The following RBPJ variants were observed in gnomAD, a reference collection of about 807,000 sequenced individuals.
The protein encoded by RBPJ is recombining binding protein suppressor of hairless.
In RBPJ, 9 loss-of-function variants were observed where a neutral mutation model predicts 67.8. The observed-to-expected ratio is 0.13, with a 90% confidence interval of 0.08 to 0.23. The LOEUF is 0.23. Among genes scored for constraint, RBPJ ranks in the 10% least tolerant of loss-of-function variants. The probability of loss-of-function intolerance (pLI) is 1.00; values close to 1 mark genes in which losing one functional copy is unlikely to be tolerated. For missense variants in RBPJ, 305 were observed against 595.6 expected (o/e 0.51, Z 5.08); for synonymous variants, 198 against 203.3 (o/e 0.97, Z 0.22).
At chr4:26,392,962 C>G (rs1731681411) in intron 2 of RBPJ, among the ~76,000 whole-genome samples, 1 of 152,100 alleles carries the variant, frequency 6.6e-6, no homozygotes, top group South Asian at 2.1e-4. Context: ...GAGACGGAGT[C>G]TTGCTCTGTC....
intron 1 of RBPJ, among the ~76,000 whole-genome samples, chr4:26,347,507 C>T (rs1726286951): frequency 6.6e-6 from 1 of 152,174 alleles, no homozygotes; most frequent in Non-Finnish European, 1.5e-5. Context: ...GTGTCAAATG[C>T]TGCAGTGAGG....
At chr4:26,348,807 C>T (rs1726464751) in intron 1 of RBPJ, among the ~76,000 whole-genome samples, 1 of 151,674 alleles carries the variant, frequency 6.6e-6, no homozygotes. Flanking sequence ...GAGTTCAAGC[C>T]ATCCTTCTGC....
At chr4:26,347,253 G>A (rs1726261331) in intron 1 of RBPJ, among the ~76,000 whole-genome samples, 1 of 152,128 alleles carries the variant, frequency 6.6e-6, no homozygotes. Flanking sequence ...AAGAGAGAGA[G>A]GTCAGGGTCG....
At chr4:26,242,411 T>C (rs10025601) in intron 1 of RBPJ, among the ~76,000 whole-genome samples, 142,900 of 149,474 alleles carry the variant, frequency 0.96, 68,363 homozygotes, top group East Asian at 0.99. Context: ...TGCGCCGCTG[T>C]ACTCCAGCCT....
chr4:26,120,162 T>C, the RBPJ span, among the ~76,000 whole-genome samples: 1 of 152,178 alleles, frequency 6.6e-6, no homozygotes, highest in East Asian at 1.9e-4. Context: ...AAGTCAGCAG[T>C]AGTAGTAGAC....
chr4:26,133,404 C>G, the RBPJ span, among the ~76,000 whole-genome samples: 2 of 152,182 alleles, frequency 1.3e-5, no homozygotes, highest in African/African-American at 4.8e-5. Flanking sequence ...AAGACCTCAT[C>G]TCTACTAAAA....
At chr4:26,278,953 C>T (rs13109468) in intron 1 of RBPJ, among the ~76,000 whole-genome samples, 49,343 of 151,914 alleles carry the variant, frequency 0.32, 9,374 homozygotes, top group Admixed American at 0.42. Flanking sequence ...AGGGTGCTGC[C>T]GTGGGAGCAG....
rs544117629 is a variant in RBPJ at position 26,270,707 on chromosome 4, GT to G, written c.-166-91733del. Among the ~76,000 whole-genome samples the G allele has an allele frequency of 4.4e-3, 667 of 151,566 alleles. 7 individuals carry two copies. The highest frequency in any genetic ancestry group is 0.016 in the African/African-American group (642 of 41,320). On this transcript the variant is annotated intron_variant, in intron 1 of 4. Coordinates refer to the RBPJ transcript ENST00000512351. ...TACCCAGGTCCAGTTAGCATGGAGG[GT>G]TTTTTGGAAGGGGAGGGAGAACTTT...
chr4:26,137,120 G>T, the RBPJ span, among the ~76,000 whole-genome samples: 1 of 152,222 alleles, frequency 6.6e-6, no homozygotes, highest in African/African-American at 2.4e-5. Flanking sequence ...GGAGCAGTGG[G>T]AGAGGCGGAT....
chr4:26,359,414 T>TA (rs1491173877), intron 1 of RBPJ, among the ~76,000 whole-genome samples: 1 of 17,880 alleles, frequency 5.6e-5, no homozygotes, highest in Admixed American at 8.7e-4. Flanking sequence ...AACACCTTCA[T>TA]TTTTTTTTTT....
At position 26,434,393 on chromosome 4, in the gene RBPJ, C is replaced by G. The variant is rs2109855065; in HGVS notation, c.*3386C>G. 2 of 152,266 alleles carry G rather than the reference C, an allele frequency of 1.3e-5. No individual in the cohort carries two copies. Among genetic ancestry groups the G allele is most frequent in the African/African-American group, 4.8e-5 (2 of 41,552 alleles). 9.4% of individuals were successfully genotyped at this position (152,266 alleles called of 1,614,324 possible). On this transcript the variant is annotated 3_prime_UTR_variant, in exon 11 of 11. Transcript: ENST00000355476. ...CAGAAAATCCACTGGGGAGGAGGTT[C>G]CTTTTGAAACAAAATGCTGTTCAGT...
At chr4:26,406,753 G>C (rs1198014851) in intron 3 of RBPJ, among the ~76,000 whole-genome samples, 1 of 152,228 alleles carries the variant, frequency 6.6e-6, no homozygotes, top group South Asian at 2.1e-4. Flanking sequence ...AGAGGAAGTT[G>C]CTTACAAAAG....
intron 1 of RBPJ, among the ~76,000 whole-genome samples, chr4:26,295,245 A>AGTGTGTGTGTGTGTGTGTGT (rs71932374): frequency 4.8e-4 from 71 of 147,124 alleles, no homozygotes; most frequent in African/African-American, 1.7e-3. Context: ...AGGGTGCATC[A>AGTGTGTGTGTGTGTGTGTGT]GTGTGTGTGT....
At chr4:26,241,500 TC>T (rs1719635992) in intron 1 of RBPJ, among the ~76,000 whole-genome samples, 1 of 152,100 alleles carries the variant, frequency 6.6e-6, no homozygotes, top group South Asian at 2.1e-4. Context: ...CACTTTTTTT[TC>T]TTTTTTGTTT....
intron 1 of RBPJ, among the ~76,000 whole-genome samples, chr4:26,363,540 G>A (rs1375957358): frequency 6.6e-6 from 1 of 152,172 alleles, no homozygotes; most frequent in Non-Finnish European, 1.5e-5. Context: ...CTGGGTTCAA[G>A]CAATTCTCCT....
At chr4:26,122,435 G>A in the RBPJ span, among the ~76,000 whole-genome samples, 12 of 152,218 alleles carry the variant, frequency 7.9e-5, no homozygotes, top group Non-Finnish European at 1.2e-4. Context: ...GCCAGAGAGC[G>A]ACAATTAGAA....
At chr4:26,199,233 C>T (rs1007252397) in intron 1 of RBPJ, among the ~76,000 whole-genome samples, 15 of 152,108 alleles carry the variant, frequency 9.9e-5, no homozygotes, top group African/African-American at 3.4e-4. Flanking sequence ...ATCATGAGGT[C>T]AGGAGATCGA....
intron 2 of RBPJ, among the ~76,000 whole-genome samples, chr4:26,389,256 A>T (rs2109651533): frequency 1.3e-5 from 2 of 152,016 alleles, no homozygotes; most frequent in East Asian, 3.9e-4. Context: ...TCCTGAGTAC[A>T]GAAACCACCC....
chr4:26,225,333 T>C (rs935030634), intron 1 of RBPJ, among the ~76,000 whole-genome samples: 4 of 152,214 alleles, frequency 2.6e-5, no homozygotes, highest in Admixed American at 6.5e-5. Context: ...TAATTGCTTA[T>C]AGTTAAGTGA....
Sources: gnomAD v4.1 joint callset for allele counts (sites outside exome capture counted in the v4.1 genomes callset) on GRCh38, gnomAD v4.1.1 for gene constraint, MANE v1.5 for transcripts, NCBI Gene and HGNC (gene_info 2026-07-23, HGNC 2026-07-21) for gene names.